Variants in ATP8B2 observed in about 807,000 individuals in gnomAD.
ATP8B2 encodes the protein phospholipid-transporting ATPase ID.
Under a neutral mutation model 133.4 loss-of-function variants are expected in ATP8B2, and 70 were observed. The ratio of observed to expected loss-of-function variants is 0.52; its 90% CI spans 0.43 to 0.64. The LOEUF (loss-of-function observed/expected upper bound fraction) is 0.64. Ranked by LOEUF, ATP8B2 falls within the 30% of genes least tolerant of loss-of-function variation. The pLI, the probability that ATP8B2 is intolerant of heterozygous loss-of-function variation, is 0.00. For missense variants in ATP8B2, 1,101 were observed against 1,535.7 expected, an observed-to-expected ratio of 0.72 and a Z score of 4.73; for synonymous variants, 517 against 589.5, an observed-to-expected ratio of 0.88 and a Z score of 1.78.
intron 12 of ATP8B2, chr1:154,337,940 G>A (rs970402089): frequency 1.3e-5 from 5 of 395,464 alleles, no homozygotes; most frequent in African/African-American, 6.3e-5. Context: ...TGTAGAATTC[G>A]ACCTAGAGTC....
At chr1:154,333,858 C>A (rs56699544) in intron 9 of ATP8B2, among the ~76,000 whole-genome samples, 60,654 of 151,370 alleles carry the variant, frequency 0.4, 13,371 homozygotes, top group East Asian at 0.6. Context: ...TGGTCTCAAA[C>A]TCCTGACCTC....
chr1:154,347,622 G>A (rs957420168), intron 26 of ATP8B2, among the ~76,000 whole-genome samples: 2 of 152,102 alleles, frequency 1.3e-5, no homozygotes, highest in African/African-American at 2.4e-5. Flanking sequence ...GTAAAAGGCC[G>A]TGAGATTCCA....
intron 26 of ATP8B2, among the ~76,000 whole-genome samples, chr1:154,347,520 G>T (rs577219734): frequency 1.3e-5 from 2 of 152,174 alleles, no homozygotes; most frequent in African/African-American, 4.8e-5. Flanking sequence ...TTACAGTTTC[G>T]TGGATAATAA....
chr1:154,351,106 A>G lies in ATP8B2; in HGVS notation c.*1988A>G, dbSNP rs368324680. The G allele has an allele frequency of 1.1e-4, 16 of 141,062 alleles. No individual in the cohort carries two copies. Among genetic ancestry groups the G allele is most frequent in the South Asian group, 8.7e-4 (4 of 4,578 alleles). 8.7% of individuals were successfully genotyped at this position (141,062 alleles called of 1,614,324 possible). Reference sequence around the variant, plus strand: ...CATATTTTGTTTGTCTATATTATATAAATATATATATACAGTTATATATAT... The same window carrying G: ...CATATTTTGTTTGTCTATATTATATGAATATATATATACAGTTATATATAT... On this transcript the variant is annotated 3_prime_UTR_variant, in exon 28 of 28. Coordinates refer to ENST00000368489, the MANE Select transcript of ATP8B2 (RefSeq NM_001370597.1).
intron 9 of ATP8B2, 74 bp downstream of exon 9, chr1:154,332,771 C>G: frequency 1.0e-5 from 12 of 1,191,746 alleles, no homozygotes; most frequent in Non-Finnish European, 1.5e-5. Flanking sequence ...TTAAATTATA[C>G]ATTTTCCTTT....
rs200142958 is a variant in ATP8B2, at chr1:154,344,798, A to G, written c.2286+13A>G. 41 of 1,588,878 alleles carry G rather than the reference A, an allele frequency of 2.6e-5. No homozygotes were observed. The highest frequency in any genetic ancestry group is 8.6e-5 in the Admixed American group (5 of 58,468). ...TGGTCACAGCCTGGTAGGCATCGCT[A>G]TCCTTAGCTTGGGCAGTATCTTTCC... On this transcript the variant is annotated intron_variant, in intron 21 of 27. Transcript: ENST00000368489. The surrounding 1 kb of genome is among the most constrained non-coding windows in gnomAD (Gnocchi z 4.1).
rs190029155 is a variant in ATP8B2, at chr1:154,343,294, G to A, written c.1635G>A (p.Ser545=). 21 of 1,614,030 alleles carry A rather than the reference G, an allele frequency of 1.3e-5. No homozygotes were observed. The East Asian group carries it at 2.5e-4, about 19-fold the overall frequency. ...TCAACAACATCCGCAAGCGGATGTCGGTCATAGGTGAGGCCAGGCCTGGGG... is the reference window on the plus strand; with the variant it reads ...TCAACAACATCCGCAAGCGGATGTCAGTCATAGGTGAGGCCAGGCCTGGGG... ...LDFNNIRKRM[S]VIVRNPEGKI... is the part of the protein sequence containing the mutation. The change falls in exon 16 of 28, where the codon TCG becomes TCA. Residue 545 remains serine, a synonymous_variant. Coordinates refer to ENST00000368489, the MANE Select transcript of ATP8B2 (RefSeq NM_001370597.1). This position sits in a 1 kb window ranked among gnomAD's most constrained non-coding sequence, Gnocchi z 5.8.
rs754154734 is a variant in ATP8B2 at position 154,332,653 on chromosome 1, T to C, written c.545T>C (p.Val182Ala). The change falls in exon 9 of 28, where the codon GTC becomes GCC. Residue 182 changes from valine (V) to alanine (A), a missense_variant. Physicochemically the swap from Val to Ala is moderately conservative, Grantham distance 64. Coordinates refer to ENST00000368489, the MANE Select transcript of ATP8B2 (RefSeq NM_001370597.1). Reference protein sequence around the residue: ...TNMKVRQAIPVTSELGDISKL... With the variant: ...TNMKVRQAIPATSELGDISKL... ...ATGAAAGTACGTCAGGCGATTCCAGTCACCTCAGAATTGGGAGACATCAGT... is the reference window on the plus strand; with the variant it reads ...ATGAAAGTACGTCAGGCGATTCCAGCCACCTCAGAATTGGGAGACATCAGT... 6.3e-7 allele frequency: 1 copy of C among 1,589,200 alleles called. No individual in the cohort carries two copies. The highest frequency in any genetic ancestry group is 1.1e-5 in the South Asian group (1 of 87,108).
Position 154,344,736 on chromosome 1 carries a change from T to C in ATP8B2, c.2237T>C (p.Leu746Pro). ...KLSSSKLTSV[L>P]EAVAGEYALV... ...TCTTCTTCCAAGCTAACTTCTGTCC[T>C]GGAGGCCGTTGCTGGGGAGTACGCC... Residue 746 changes from leucine (L) to proline (P), a missense_variant, in exon 21 of 28, where the codon CTG (leucine) becomes CCG (proline). Coordinates refer to ENST00000368489, the MANE Select transcript of ATP8B2 (RefSeq NM_001370597.1). The surrounding 1 kb of genome is among the most constrained non-coding windows in gnomAD (Gnocchi z 4.1). 1.2e-6 allele frequency: 2 copies of C among 1,610,258 alleles called. No homozygotes were observed. The highest frequency in any genetic ancestry group is 8.5e-7 in the Non-Finnish European group (1 of 1,176,752).
At chr1:154,348,667 G>A (rs1686679296) in intron 27 of ATP8B2, 129 bp downstream of exon 27, 12 of 1,440,776 alleles carry the variant, frequency 8.3e-6, no homozygotes, top group African/African-American at 1.4e-5. Context: ...TTCTTCCTGG[G>A]GACAGACACC....
chr1:154,347,838 G>A (rs1407510485), intron 26 of ATP8B2, among the ~76,000 whole-genome samples: 1 of 151,774 alleles, frequency 6.6e-6, no homozygotes, highest in East Asian at 1.9e-4. Context: ...TACTTGGGAA[G>A]GCTGAGGCAG....
chr1:154,345,175 T>G lies in ATP8B2; in HGVS notation c.2470+21T>G. 6.2e-7 allele frequency: 1 copy of G among 1,608,762 alleles called. No individual in the cohort carries two copies. The highest frequency in any genetic ancestry group is 1.7e-5 in the Admixed American group (1 of 59,748). Reference sequence around the variant, plus strand: ...CAAAAGTGAGTGTGGGCTGTGCAGGTGTGTAGGCTGGGCTTGAGGCTGGGG... The same window carrying G: ...CAAAAGTGAGTGTGGGCTGTGCAGGGGTGTAGGCTGGGCTTGAGGCTGGGG... On this transcript the variant is annotated intron_variant, in intron 22 of 27. Transcript: ENST00000368489. This position sits in a 1 kb window ranked among gnomAD's most constrained non-coding sequence, Gnocchi z 5.6.
At chr1:154,337,747 G>GAAA in intron 12 of ATP8B2, 2 of 1,483,596 alleles carry the variant, frequency 1.3e-6, no homozygotes, top group Non-Finnish European at 1.8e-6. Context: ...CTGTATTAGA[G>GAAA]AAAAAAAAAT....
intron 26 of ATP8B2, among the ~76,000 whole-genome samples, chr1:154,347,669 G>A (rs990567622): frequency 5.3e-5 from 8 of 152,148 alleles, no homozygotes; most frequent in African/African-American, 1.2e-4. Context: ...GGCCGGGCGC[G>A]GTGGCTCAAG....
At chr1:154,327,820 T>C (rs138411002) in intron 1 of ATP8B2, 2 of 1,613,696 alleles carry the variant, frequency 1.2e-6, no homozygotes, top group African/African-American at 1.3e-5. Context: ...TGAGAGCTGT[T>C]CCCCTTTTTT....
intron 1 of ATP8B2, chr1:154,327,701 A>G: frequency 8.2e-7 from 1 of 1,220,688 alleles, no homozygotes; most frequent in Non-Finnish European, 1.2e-6. Context: ...TTCCTGGCTC[A>G]TGTTCCCTCC....
Position 154,328,794 on chromosome 1 carries a change from A to T in ATP8B2, c.31+622A>T. On this transcript the variant is annotated intron_variant, in intron 2 of 27. Transcript: ENST00000368489. The surrounding 1 kb of genome is among the most constrained non-coding windows in gnomAD (Gnocchi z 4.6). ...GCATGGGGGGCGGCGGCGGCGGCGC[A>T]GCTGAGCTCGCGGTGTCCCCGAGCG... 1 of 1,013,056 alleles carries T rather than the reference A, an allele frequency of 9.9e-7. No homozygotes were observed. The highest frequency in any genetic ancestry group is 1.2e-6 in the Non-Finnish European group (1 of 849,656). 62.8% of individuals were successfully genotyped at this position (1,013,056 alleles called of 1,614,324 possible).
In ATP8B2 at chr1:154,328,250, G is replaced by T. The variant is rs1685856957; in HGVS notation, c.31+78G>T. On this transcript the variant is annotated intron_variant, in intron 2 of 27. Transcript: ENST00000368489. The surrounding 1 kb of genome is among the most constrained non-coding windows in gnomAD (Gnocchi z 4.6). ...TATGGCTCAGGGAGCAAAAGGAAAA[G>T]GGACAACTGGTATGGGTCTGAGGGA... 6.9e-7 allele frequency: 1 copy of T among 1,450,186 alleles called. No individual in the cohort carries two copies. 89.8% of individuals were successfully genotyped at this position (1,450,186 alleles called of 1,614,324 possible). A position where few individuals can be genotyped will look rare whatever the true frequency, so the allele number is the denominator to read the frequency against.
chr1:154,342,243 C>T (rs1415721613), intron 13 of ATP8B2, among the ~76,000 whole-genome samples: 6 of 151,224 alleles, frequency 4.0e-5, no homozygotes, highest in Admixed American at 2.0e-4. Flanking sequence ...GGATGGTGAG[C>T]AGTGGGTGCC....
Sources: gnomAD v4.1 joint callset for allele counts (sites outside exome capture counted in the v4.1 genomes callset) on GRCh38, gnomAD v4.1.1 for gene constraint, Gnocchi (gnomAD v3.1) non-coding constraint, MANE v1.5 for transcripts, NCBI Gene and HGNC (gene_info 2026-07-23, HGNC 2026-07-21) for gene names.